The following EDIL3 variants were observed in gnomAD, a reference collection of about 807,000 sequenced individuals.
The protein encoded by EDIL3 is EGF-like repeat and discoidin I-like domain-containing protein 3.
A neutral mutation model predicts 67.4 loss-of-function variants in EDIL3; 37 were observed. The ratio of observed to expected loss-of-function variants is 0.55; its 90% CI spans 0.42 to 0.72. The LOEUF (loss-of-function observed/expected upper bound fraction) is 0.72, where lower values mean the gene tolerates loss of function less well. Ranked by LOEUF, EDIL3 falls within the 30% of genes least tolerant of loss-of-function variation. The pLI is 0.00. For missense variants in EDIL3, 527 were observed against 586.3 expected, an observed-to-expected ratio of 0.90 and a Z score of 1.04; for synonymous variants, 195 against 196.3, an observed-to-expected ratio of 0.99 and a Z score of 0.05.
intron 3 of EDIL3, among the ~76,000 whole-genome samples, chr5:84,223,278 C>A (rs772359870): frequency 2.0e-5 from 3 of 151,702 alleles, no homozygotes; most frequent in Admixed American, 2.0e-4. Flanking sequence ...TATGACCTAG[C>A]AACCCCTCTT....
At chr5:84,238,119 T>G (rs1057042247) in intron 2 of EDIL3, among the ~76,000 whole-genome samples, 1 of 152,212 alleles carries the variant, frequency 6.6e-6, no homozygotes, top group Middle Eastern at 3.4e-3. Flanking sequence ...AGATAGAAAA[T>G]TACTTCATGG....
chr5:84,060,543 G>A, intron 8 of EDIL3, 59 bp from the exon 9 acceptor site: 12 of 1,583,526 alleles, frequency 7.6e-6, no homozygotes, highest in Non-Finnish European at 9.5e-6. Flanking sequence ...GAACTTTTCT[G>A]CATTCATTTT....
At chr5:84,006,443 T>C (rs1745418400) in intron 9 of EDIL3, among the ~76,000 whole-genome samples, 1 of 152,132 alleles carries the variant, frequency 6.6e-6, no homozygotes, top group African/African-American at 2.4e-5. Context: ...GCCATTATGC[T>C]ATGCAAACTA....
At chr5:84,268,959 T>C (rs1745406989) in intron 1 of EDIL3, among the ~76,000 whole-genome samples, 1 of 152,142 alleles carries the variant, frequency 6.6e-6, no homozygotes. Flanking sequence ...TAATCAATTA[T>C]TTTCATTTTA....
At chr5:84,258,732 C>T (rs1291384568) in intron 1 of EDIL3, among the ~76,000 whole-genome samples, 1 of 152,060 alleles carries the variant, frequency 6.6e-6, no homozygotes, top group African/African-American at 2.4e-5. Flanking sequence ...TTTATACGGC[C>T]ATAATCTCAG....
At chr5:84,021,076 G>A (rs1177396736) in intron 9 of EDIL3, among the ~76,000 whole-genome samples, 1 of 151,940 alleles carries the variant, frequency 6.6e-6, no homozygotes, top group Non-Finnish European at 1.5e-5. Flanking sequence ...CAGTTGTAAT[G>A]TCTCCTTTTT....
intron 3 of EDIL3, among the ~76,000 whole-genome samples, chr5:84,188,703 C>T (rs1743518087): frequency 6.6e-6 from 1 of 151,868 alleles, no homozygotes; most frequent in Non-Finnish European, 1.5e-5. Flanking sequence ...GACTGGTGTC[C>T]TTATAGGAAT....
chr5:84,029,371 C>T (rs573056353), intron 9 of EDIL3, among the ~76,000 whole-genome samples: 12 of 152,304 alleles, frequency 7.9e-5, no homozygotes, highest in South Asian at 4.1e-4. Context: ...CCTTCCGCAA[C>T]GATTGTGAGG....
intron 6 of EDIL3, among the ~76,000 whole-genome samples, chr5:84,102,187 A>C (rs1234942655): frequency 6.6e-6 from 1 of 152,072 alleles, no homozygotes; most frequent in Admixed American, 6.6e-5. Context: ...TGAATCACCT[A>C]TGATAAACCC....
intron 5 of EDIL3, among the ~76,000 whole-genome samples, chr5:84,122,901 T>A (rs945143118): frequency 6.6e-6 from 1 of 152,064 alleles, no homozygotes; most frequent in East Asian, 1.9e-4. Context: ...TTTAATACTT[T>A]AGTTTTCTAA....
rs1421594733 is a variant in EDIL3, at chr5:84,055,067, G to A, written c.1137+5233C>T. Among the ~76,000 whole-genome samples the A allele has an allele frequency of 1.4e-5, 2 of 146,164 alleles. 1 individual carries two copies. Among genetic ancestry groups the A allele is most frequent in the African/African-American group, 5.4e-5 (2 of 37,052 alleles). On this transcript the variant is annotated intron_variant, in intron 9 of 10. Transcript: ENST00000296591. ...TACCTGACTTCAAACTGTACTACAA[G>A]GCTACAGTAACCAAAACAGCATGGT... is the stretch of plus-strand genomic sequence containing the variant.
chr5:84,017,693 C>T (rs966993568), intron 9 of EDIL3, among the ~76,000 whole-genome samples: 14 of 152,088 alleles, frequency 9.2e-5, no homozygotes, highest in East Asian at 3.9e-4. Flanking sequence ...TTACAGCATG[C>T]GCACCCATTG....
intron 6 of EDIL3, among the ~76,000 whole-genome samples, chr5:84,077,046 T>C (rs1746873926): frequency 6.6e-6 from 1 of 152,230 alleles, no homozygotes; most frequent in Non-Finnish European, 1.5e-5. Flanking sequence ...TTAGTTATCA[T>C]TACTGCTTCA....
intron 9 of EDIL3, among the ~76,000 whole-genome samples, chr5:83,971,397 C>T (rs986644545): frequency 6.6e-6 from 1 of 151,666 alleles, no homozygotes; most frequent in Non-Finnish European, 1.5e-5. Flanking sequence ...TTGTCTCAGC[C>T]TCCTGAGTAG....
Position 84,180,381 on chromosome 5 carries a change from T to G in EDIL3, c.355+12A>C. The G allele has an allele frequency of 6.3e-7, 1 of 1,576,822 alleles. No individual in the cohort carries two copies. The highest frequency in any genetic ancestry group is 8.6e-7 in the Non-Finnish European group (1 of 1,165,212). The stretch of plus-strand genomic sequence containing the variant: ...AATAATAATAAAAGTACAATGACTA[T>G]GAATAACTTACTGTGCTGACAGTGA... On this transcript the variant is annotated intron_variant, in intron 4 of 10. Transcript: ENST00000296591.
At chr5:84,177,180 G>A (rs1398872929) in intron 4 of EDIL3, among the ~76,000 whole-genome samples, 1 of 152,058 alleles carries the variant, frequency 6.6e-6, no homozygotes, top group Non-Finnish European at 1.5e-5. Context: ...AAAACTAGAG[G>A]CAACCAAGAT....
intron 3 of EDIL3, among the ~76,000 whole-genome samples, chr5:84,195,530 ATAT>A (rs1291125025): frequency 6.6e-6 from 1 of 151,980 alleles, no homozygotes; most frequent in African/African-American, 2.4e-5. Context: ...TTAGGATTGT[ATAT>A]TCAGTCTTTA....
chr5:84,244,952 T>C (rs1025680190), intron 2 of EDIL3, among the ~76,000 whole-genome samples: 9 of 152,232 alleles, frequency 5.9e-5, no homozygotes, highest in East Asian at 1.9e-4. Context: ...TATGAGAATC[T>C]AATGCCAACC....
At chr5:84,354,762 A>G (rs1031336172) in intron 1 of EDIL3, among the ~76,000 whole-genome samples, 1 of 152,132 alleles carries the variant, frequency 6.6e-6, no homozygotes, top group African/African-American at 2.4e-5. Flanking sequence ...TTCAAGATCT[A>G]TGTACTATAA....
Sources: allele counts gnomAD v4.1 joint callset (sites outside exome capture counted in the v4.1 genomes callset), GRCh38; gene constraint gnomAD v4.1.1; transcripts MANE v1.5; gene names NCBI Gene and HGNC (gene_info 2026-07-23, HGNC 2026-07-21).